Variants in GLDN observed in about 807,000 individuals in gnomAD.
The protein encoded by GLDN is collomin.
In GLDN, 47 loss-of-function variants were observed where a neutral mutation model predicts 56.5. The ratio of observed to expected loss-of-function variants is 0.83; its 90% CI spans 0.66 to 1.06. GLDN has a LOEUF of 1.06. Ranked by LOEUF, GLDN falls within the 50% of genes least tolerant of loss-of-function variation. The pLI is 0.00. For missense variants in GLDN, 782 were observed against 714.3 expected (o/e 1.09, Z -1.08); for synonymous variants, 332 against 278.8 (o/e 1.19, Z -1.90).
chr15:51,341,886 T>C lies in GLDN; in HGVS notation c.202T>C (p.Phe68Leu), dbSNP rs2036889506. Residue 68 changes from phenylalanine (F) to leucine (L), a missense_variant, in exon 1 of 10, where the codon TTC becomes CTC. Transcript: ENST00000335449. Reference protein sequence around the residue: ...EQREDSALRSFLAELSRAPRG... With the variant: ...EQREDSALRSLLAELSRAPRG... ...GCGCGAGGACAGTGCCCTGCGCTCC[T>C]TCCTGGCCGAGTTGAGCCGCGCGCC... 6.3e-7 allele frequency: 1 copy of C among 1,580,208 alleles called. No homozygotes were observed.
intron 4 of GLDN, among the ~76,000 whole-genome samples, chr15:51,389,235 A>T (rs1200266932): frequency 6.6e-6 from 1 of 152,212 alleles, no homozygotes; most frequent in Non-Finnish European, 1.5e-5. Flanking sequence ...GAAGGCAGGG[A>T]CTATGTATTA....
In GLDN at chr15:51,404,874, T is replaced by G; in HGVS notation, c.*120T>G. 1 of 673,568 alleles carries G rather than the reference T, an allele frequency of 1.5e-6. No individual in the cohort carries two copies. The highest frequency in any genetic ancestry group is 2.6e-6 in the Non-Finnish European group (1 of 379,350). The allele number at this position is 673,568 out of a possible 1,614,324, so 41.7% of individuals were successfully genotyped here. A position where few individuals can be genotyped will look rare whatever the true frequency, so the allele number is the denominator to read the frequency against. Reference sequence around the variant, plus strand: ...ATTTAGAAAATAACCTCAAAAGTGTTTATATGGTCAGTGAGCCCCGCTTAG... The same window carrying G: ...ATTTAGAAAATAACCTCAAAAGTGTGTATATGGTCAGTGAGCCCCGCTTAG... On this transcript the variant is annotated 3_prime_UTR_variant, in exon 10 of 10. Transcript: ENST00000335449.
At chr15:51,392,685 T>C (rs150638428) in intron 4 of GLDN, among the ~76,000 whole-genome samples, 67 of 141,334 alleles carry the variant, frequency 4.7e-4, no homozygotes, top group African/African-American at 1.8e-3. Flanking sequence ...ATTAATCTGA[T>C]AGCAATGCAG....
chr15:51,411,990 T>A (rs998825384), downstream of GLDN, among the ~76,000 whole-genome samples: 2 of 152,180 alleles, frequency 1.3e-5, no homozygotes, highest in African/African-American at 4.8e-5. Context: ...TACTTTACTT[T>A]CTCCAAAGAA....
At chr15:51,355,739 G>A (rs1448876842) in intron 1 of GLDN, among the ~76,000 whole-genome samples, 4 of 149,420 alleles carry the variant, frequency 2.7e-5, no homozygotes, top group South Asian at 2.1e-4. Flanking sequence ...TAGCCGGGAT[G>A]GTCTTGATCT....
intron 4 of GLDN, among the ~76,000 whole-genome samples, chr15:51,391,145 C>G (rs1388347047): frequency 6.6e-6 from 1 of 152,144 alleles, no homozygotes; most frequent in Non-Finnish European, 1.5e-5. Flanking sequence ...TAATGAAAGC[C>G]ATAAAATGAT....
rs1268893528 is a variant in GLDN at position 51,377,334 on chromosome 15, G to C, written c.364-115G>C. On this transcript the variant is annotated intron_variant, in intron 1 of 9. Coordinates refer to ENST00000335449, the MANE Select transcript of GLDN (RefSeq NM_181789.4). ...CTGCGTTTTCCTTGAACTTCCGCGG[G>C]TTCTCCTAAAGTTACTTGGTGACTT... is the stretch of plus-strand genomic sequence containing the variant. 3 of 797,674 alleles carry C rather than the reference G, an allele frequency of 3.8e-6. No individual in the cohort carries two copies. In the Admixed American group the frequency reaches 7.2e-5, roughly 19 times the overall value. The allele number at this position is 797,674 out of a possible 1,614,324, so 49.4% of individuals were successfully genotyped here. A position where few individuals can be genotyped will look rare whatever the true frequency, so the allele number is the denominator to read the frequency against.
chr15:51,373,896 C>T (rs2037568863), intron 1 of GLDN, among the ~76,000 whole-genome samples: 1 of 152,278 alleles, frequency 6.6e-6, no homozygotes, highest in African/African-American at 2.4e-5. Flanking sequence ...ATTTGACCAT[C>T]TAGATTTTGT....
chr15:51,341,668 C>A lies in GLDN; in HGVS notation c.-17C>A. On this transcript the variant is annotated 5_prime_UTR_variant, in exon 1 of 10. Transcript: ENST00000335449. ...CCGCAGGCTGCCAAGCCCTGCCCTG[C>A]CCAAGGCGCATAGAGCATGGCCCGA... 7.2e-7 allele frequency: 1 copy of A among 1,387,316 alleles called. No homozygotes were observed. Among genetic ancestry groups the A allele is most frequent in the Non-Finnish European group, 9.2e-7 (1 of 1,082,408 alleles). The allele number at this position is 1,387,316 out of a possible 1,614,324, so 85.9% of individuals were successfully genotyped here. A position where few individuals can be genotyped will look rare whatever the true frequency, so the allele number is the denominator to read the frequency against.
intron 6 of GLDN, among the ~76,000 whole-genome samples, chr15:51,398,963 G>A (rs1818702758): frequency 6.6e-6 from 1 of 152,226 alleles, no homozygotes; most frequent in South Asian, 2.1e-4. Context: ...GGCAGGGGCT[G>A]GATGCAGAGC....
downstream of GLDN, among the ~76,000 whole-genome samples, chr15:51,411,146 CA>C (rs1252718200): frequency 6.6e-6 from 1 of 152,132 alleles, no homozygotes; most frequent in African/African-American, 2.4e-5. Context: ...CCACTGAAAA[CA>C]GATAAAAAGC....
intron 8 of GLDN, among the ~76,000 whole-genome samples, chr15:51,400,978 T>A (rs753984932): frequency 4.3e-4 from 66 of 152,170 alleles, no homozygotes; most frequent in Non-Finnish European, 8.1e-4. Context: ...TCTGAGCAGG[T>A]CCCTAGTTGT....
intron 1 of GLDN, among the ~76,000 whole-genome samples, chr15:51,343,119 C>T (rs1175274019): frequency 6.6e-6 from 1 of 152,208 alleles, no homozygotes; most frequent in African/African-American, 2.4e-5. Flanking sequence ...AGCCATACTT[C>T]AGAATCCTAG....
rs764667400 is a variant in GLDN, at chr15:51,400,486, G to A, written c.1015G>A (p.Glu339Lys). ...NKSDDRIWVT[E>K]HFSGIMVKEF... is the part of the protein sequence containing the mutation. Reference sequence around the variant, plus strand: ...GAGTGATGACCGGATTTGGGTGACAGAGCATTTTTCAGGTACTTGCACTCG... The same window carrying A: ...GAGTGATGACCGGATTTGGGTGACAAAGCATTTTTCAGGTACTTGCACTCG... Residue 339 changes from glutamate (E) to lysine (K), a missense_variant, in exon 8 of 10, where the codon GAG becomes AAG. Transcript: ENST00000335449. 3.7e-6 allele frequency: 6 copies of A among 1,614,142 alleles called. No homozygotes were observed. In the South Asian group the frequency reaches 6.6e-5, roughly 18 times the overall value.
chr15:51,363,120 G>A, intron 1 of GLDN, among the ~76,000 whole-genome samples: 1 of 152,158 alleles, frequency 6.6e-6, no homozygotes, highest in South Asian at 2.1e-4. Context: ...TTCATTAGAT[G>A]TCCAAGGGAA....
intron 1 of GLDN, among the ~76,000 whole-genome samples, chr15:51,375,191 C>T (rs1184336067): frequency 6.6e-6 from 1 of 152,134 alleles, no homozygotes; most frequent in East Asian, 1.9e-4. Flanking sequence ...ATTATTTTCC[C>T]CTCACATCAA....
intron 4 of GLDN, chr15:51,384,182 AG>A: frequency 2.5e-6 from 1 of 404,928 alleles, no homozygotes; most frequent in East Asian, 6.0e-5. Flanking sequence ...CAGCCCTGGG[AG>A]GGGCATTCTG....
At chr15:51,368,328 C>T (rs868045892) in intron 1 of GLDN, among the ~76,000 whole-genome samples, 51 of 152,080 alleles carry the variant, frequency 3.4e-4, no homozygotes, top group Middle Eastern at 6.8e-3. Flanking sequence ...CAGTGACTGG[C>T]CACGCTGCTG....
chr15:51,387,782 T>C (rs1349849481), intron 4 of GLDN, among the ~76,000 whole-genome samples: 1 of 152,070 alleles, frequency 6.6e-6, no homozygotes, highest in East Asian at 1.9e-4. Flanking sequence ...TAGGGACCCA[T>C]TTAGGGTGGG....
Sources: allele counts gnomAD v4.1 joint callset (sites outside exome capture counted in the v4.1 genomes callset), GRCh38; gene constraint gnomAD v4.1.1; transcripts MANE v1.5; gene names NCBI Gene and HGNC (gene_info 2026-07-23, HGNC 2026-07-21).